RTN4: variants seen among roughly 807,000 people sequenced by gnomAD.
The protein encoded by RTN4 is reticulon-4.
In RTN4, 32 loss-of-function variants were observed where a neutral mutation model predicts 90.4. That is an observed-to-expected ratio of 0.35 (90% CI 0.27 to 0.48). The LOEUF (loss-of-function observed/expected upper bound fraction) is 0.48, where lower values mean the gene tolerates loss of function less well. Ranked by LOEUF, RTN4 falls within the 20% of genes least tolerant of loss-of-function variation. The probability of loss-of-function intolerance (pLI) is 0.99; values close to 1 mark genes in which losing one functional copy is unlikely to be tolerated. For synonymous variants in RTN4, 629 were observed against 552.5 expected, an observed-to-expected ratio of 1.14 and a Z score of -1.94; for missense variants, 1,706 against 1,430.2, an observed-to-expected ratio of 1.19 and a Z score of -3.11.
chr2:55,022,899 A>T (rs1337215172), intron 3 of RTN4, among the ~76,000 whole-genome samples: 1 of 148,042 alleles, frequency 6.8e-6, no homozygotes, highest in African/African-American at 2.5e-5. Context: ...AACATCCAAC[A>T]CACACACACA....
At position 55,025,278 on chromosome 2, in the gene RTN4, T is replaced by G. The variant is rs115518597; in HGVS notation, c.2821A>C (p.Asn941His). 1.8e-4 allele frequency: 296 copies of G among 1,613,882 alleles called. No individual in the cohort carries two copies. In the African/African-American group the frequency reaches 3.4e-3, roughly 19 times the overall value. Residue 941 changes from asparagine to histidine, a missense_variant, in exon 3 of 9, where the codon AAT (asparagine) becomes CAT (histidine). Coordinates refer to ENST00000337526, the MANE Select transcript of RTN4 (RefSeq NM_020532.5). ...KISFSDDFSK[N>H]GSATSKVLLL... ...AGCACCTTTGATGTAGCAGACCCAT[T>G]TTTAGAAAAGTCATCTGAGAAACTG...
rs760282176 is a variant in RTN4, at chr2:55,025,511, G to A, written c.2588C>T (p.Ser863Phe). The change falls in exon 3 of 9, where the codon TCT becomes TTT. Residue 863 changes from serine to phenylalanine, a missense_variant. Coordinates refer to ENST00000337526, the MANE Select transcript of RTN4 (RefSeq NM_020532.5). ...GAACTCATCTATAATTTCAATTGGA[G>A]ATGAATCTGAAAACGTTTCAGTTTC... ...IRETETFSDS[S>F]PIEIIDEFPT... The A allele has an allele frequency of 3.1e-6, 5 of 1,613,632 alleles. No homozygotes were observed. Among genetic ancestry groups the A allele is most frequent in the Non-Finnish European group, 4.2e-6 (5 of 1,179,744 alleles).
intron 3 of RTN4, among the ~76,000 whole-genome samples, chr2:55,000,114 G>C (rs763573098): frequency 1.3e-5 from 2 of 152,116 alleles, no homozygotes; most frequent in African/African-American, 4.8e-5. Flanking sequence ...AAGCTCAAGA[G>C]ATAAGGTCAA....
chr2:55,124,314 G>A, the RTN4 span, among the ~76,000 whole-genome samples: 2 of 152,204 alleles, frequency 1.3e-5, no homozygotes, highest in Admixed American at 6.5e-5. Flanking sequence ...CTCCTGGTTT[G>A]TTACCTAGAA....
At chr2:55,048,182 T>C (rs1250073592) in intron 1 of RTN4, among the ~76,000 whole-genome samples, 2 of 152,226 alleles carry the variant, frequency 1.3e-5, no homozygotes, top group South Asian at 2.1e-4. Context: ...GATTAAAAGA[T>C]GGCACACGTG....
chr2:55,125,816 C>T, the RTN4 span, among the ~76,000 whole-genome samples: 2 of 152,058 alleles, frequency 1.3e-5, no homozygotes, highest in African/African-American at 4.8e-5. Flanking sequence ...AATCACAGCA[C>T]TTTGGGAGGC....
intron 3 of RTN4, among the ~76,000 whole-genome samples, chr2:54,995,001 T>G (rs948980198): frequency 4.6e-5 from 7 of 152,158 alleles, no homozygotes; most frequent in Admixed American, 1.3e-4. Context: ...TCCCAGCACT[T>G]TCAGAGGCCA....
At position 55,026,864 on chromosome 2, in the gene RTN4, ATTTTACCT is replaced by A; in HGVS notation, c.1227_1234del (p.Gly410ArgfsTer7). 6.2e-7 allele frequency: 1 copy of A among 1,613,772 alleles called. No homozygotes were observed. Among genetic ancestry groups the A allele is most frequent in the Non-Finnish European group, 8.5e-7 (1 of 1,179,866 alleles). On this transcript the variant is annotated frameshift_variant, in exon 3 of 9. Coordinates refer to ENST00000337526, the MANE Select transcript of RTN4 (RefSeq NM_020532.5). LOFTEE classifies it high-confidence loss of function. ...CACTTTACTTTCCAAGTTGCTCTCG[ATTTTACCT>A]CCAGCAGCCAACATATCACTATCTT...
chr2:55,074,517 C>CAAAAAAAAAAAAAAAAAAA (rs778275041), intron 2 of RTN4, among the ~76,000 whole-genome samples: 1 of 59,642 alleles, frequency 1.7e-5, no homozygotes, highest in Admixed American at 1.9e-4. Flanking sequence ...CTGCCCTCAC[C>CAAAAAAAAAAAAAAAAAAA]AAAAAAAAAA....
chr2:54,999,972 G>C (rs1482068831), intron 3 of RTN4, among the ~76,000 whole-genome samples: 1 of 152,100 alleles, frequency 6.6e-6, no homozygotes, highest in Non-Finnish European at 1.5e-5. Flanking sequence ...AATATGATCT[G>C]AGAAGATAAT....
the RTN4 span, among the ~76,000 whole-genome samples, chr2:55,120,138 G>A: frequency 1.3e-5 from 2 of 152,230 alleles, no homozygotes; most frequent in East Asian, 3.8e-4. Context: ...CCTTGCCTTG[G>A]CAGAACCTAA....
intron 1 of RTN4, among the ~76,000 whole-genome samples, chr2:55,096,321 T>A (rs1669033256): frequency 6.7e-6 from 1 of 150,080 alleles, no homozygotes; most frequent in Non-Finnish European, 1.5e-5. Context: ...AGCAAAACTC[T>A]GCCTCAAAAA....
At chr2:55,078,641 T>C (rs953900558) in intron 2 of RTN4, among the ~76,000 whole-genome samples, 4 of 152,210 alleles carry the variant, frequency 2.6e-5, no homozygotes, top group African/African-American at 7.2e-5. Context: ...TGTGAGCATA[T>C]AAAATGACTC....
At chr2:55,043,211 C>T (rs1683191089) in intron 1 of RTN4, among the ~76,000 whole-genome samples, 1 of 152,166 alleles carries the variant, frequency 6.6e-6, no homozygotes, top group Non-Finnish European at 1.5e-5. Context: ...CAGTTCCCAT[C>T]CCTAGTGCTG....
In RTN4 at chr2:55,088,150, T is replaced by C. The variant is rs553768417; in HGVS notation, c.-213-7511A>G. On this transcript the variant is annotated intron_variant, in intron 1 of 3. Transcript: ENST00000427710. ...CAAGTACTTACGGGTTATGTTATCT[T>C]CTCCCCAGCTAGGACATGGGCTGCT... is the stretch of plus-strand genomic sequence containing the variant. 5.9e-5 allele frequency among the ~76,000 whole-genome samples: 9 copies of C among 152,294 alleles called. No individual in the cohort carries two copies. The South Asian group carries it at 1.9e-3, about 32-fold the overall frequency.
chr2:55,021,491 T>TC (rs1392611378), intron 3 of RTN4, among the ~76,000 whole-genome samples: 19 of 151,998 alleles, frequency 1.3e-4, no homozygotes, highest in Admixed American at 1.2e-3. Flanking sequence ...GTCTTTTTTT[T>TC]CTCCCTTTTT....
At chr2:55,110,760 G>A (rs538769200) in intron 1 of RTN4, among the ~76,000 whole-genome samples, 1 of 152,178 alleles carries the variant, frequency 6.6e-6, no homozygotes, top group Non-Finnish European at 1.5e-5. Context: ...TCTACGCCAG[G>A]CCAGGCACGG....
intron 2 of RTN4, among the ~76,000 whole-genome samples, chr2:55,058,968 C>T (rs1668240246): frequency 6.6e-6 from 1 of 152,138 alleles, no homozygotes; most frequent in Non-Finnish European, 1.5e-5. Flanking sequence ...CTCGGCCTCT[C>T]AGAGTGCTGG....
rs532180200 is a variant in RTN4, at chr2:55,018,010, A to G, written c.3013+7076T>C. Among the ~76,000 whole-genome samples, 3 of 152,342 alleles carry G rather than the reference A, an allele frequency of 2.0e-5. No homozygotes were observed. The East Asian group carries it at 5.8e-4, about 29-fold the overall frequency. On this transcript the variant is annotated intron_variant, in intron 3 of 8. Transcript: ENST00000337526. ...GCAGTTCATTCTTGTGAAACTAGGT[A>G]ACAACTAATACAAATAAGAAGTTAG... is the stretch of plus-strand genomic sequence containing the variant.
Sources: allele counts gnomAD v4.1 joint callset (sites outside exome capture counted in the v4.1 genomes callset), GRCh38; gene constraint gnomAD v4.1.1; transcripts MANE v1.5; gene names NCBI Gene and HGNC (gene_info 2026-07-23, HGNC 2026-07-21).